The following PHF1 variants were observed in gnomAD, a reference collection of about 807,000 sequenced individuals.
PHF1 encodes the protein polycomb-like 1.
Under a neutral mutation model 69.4 loss-of-function variants are expected in PHF1, and 16 were observed. The ratio of observed to expected loss-of-function variants is 0.23; its 90% CI spans 0.16 to 0.35. The LOEUF (loss-of-function observed/expected upper bound fraction) is 0.35. Among genes scored for constraint, PHF1 ranks in the 10% least tolerant of loss-of-function variants. PHF1 has a pLI of 1.00. For missense variants in PHF1, 515 were observed against 732.8 expected, an observed-to-expected ratio of 0.70 and a Z score of 3.43; for synonymous variants, 274 against 275.0, an observed-to-expected ratio of 1.00 and a Z score of 0.04.
In PHF1 at chr6:33,413,318, C is replaced by T; in HGVS notation, c.438+22C>T. ...CAAGGTAAAGGCACTTCCCTGTTACCCTTCCTGTGGGAGCCTCCCATCCAC... is the reference window on the plus strand; with the variant it reads ...CAAGGTAAAGGCACTTCCCTGTTACTCTTCCTGTGGGAGCCTCCCATCCAC... On this transcript the variant is annotated intron_variant, in intron 5 of 14. Transcript: ENST00000374516. 1.9e-6 allele frequency: 3 copies of T among 1,611,628 alleles called. No individual in the cohort carries two copies. The South Asian group carries it at 3.3e-5, about 18-fold the overall frequency.
chr6:33,415,387 G>A, intron 13 of PHF1, 58 bp downstream of exon 13: 1 of 1,407,880 alleles, frequency 7.1e-7, no homozygotes, highest in African/African-American at 1.4e-5. Flanking sequence ...CACATCTTCT[G>A]GACTTTATCA....
At position 33,412,811 on chromosome 6, in the gene PHF1, C is replaced by G; in HGVS notation, c.337+18C>G. On this transcript the variant is annotated intron_variant, in intron 4 of 14. Transcript: ENST00000374516. This position sits in a 1 kb window ranked among gnomAD's most constrained non-coding sequence, Gnocchi z 4.2. Reference sequence around the variant, plus strand: ...TCGCCATGGTGAGAGGGCAGGTCACCTGAATGGTCCAGCTTGCTCTTCCCT... The same window carrying G: ...TCGCCATGGTGAGAGGGCAGGTCACGTGAATGGTCCAGCTTGCTCTTCCCT... 1 of 1,601,772 alleles carries G rather than the reference C, an allele frequency of 6.2e-7. No individual in the cohort carries two copies. Among genetic ancestry groups the G allele is most frequent in the Non-Finnish European group, 8.6e-7 (1 of 1,169,040 alleles).
chr6:33,412,596 C>T lies in PHF1; in HGVS notation c.241+7C>T, dbSNP rs1353856790. ...TGGAAAGACATTAGCCCTGGTAAGA[C>T]TCTAGAGACCTGAGATTGCACATCC... On this transcript the variant is annotated splice_region_variant and intron_variant, in intron 3 of 14. Transcript: ENST00000374516. This position sits in a 1 kb window ranked among gnomAD's most constrained non-coding sequence, Gnocchi z 4.2. The T allele has an allele frequency of 6.2e-7, 1 of 1,613,992 alleles. No individual in the cohort carries two copies. The highest frequency in any genetic ancestry group is 2.2e-5 in the East Asian group (1 of 44,894).
Position 33,415,096 on chromosome 6 carries a change from C to A in PHF1, c.1191C>A (p.Pro397=), listed in dbSNP as rs140266539. Reference sequence around the variant, plus strand: ...CACCCTCAGCAGTGCGCAATCAGCCCGAGCCCCAGGAGCAGAGGGAGCGGG... The same window carrying A: ...CACCCTCAGCAGTGCGCAATCAGCCAGAGCCCCAGGAGCAGAGGGAGCGGG... ...LGPPSAVRNQ[P]EPQEQRERAH... The change falls in exon 12 of 15, where the codon CCC becomes CCA. Residue 397 remains proline, a synonymous_variant. Transcript: ENST00000374516. 2 of 1,613,184 alleles carry A rather than the reference C, an allele frequency of 1.2e-6. No individual in the cohort carries two copies. The highest frequency in any genetic ancestry group is 1.7e-6 in the Non-Finnish European group (2 of 1,179,524).
At chr6:33,411,890 C>T (rs1196409736) in intron 1 of PHF1, among the ~76,000 whole-genome samples, 1 of 152,094 alleles carries the variant, frequency 6.6e-6, no homozygotes, top group Non-Finnish European at 1.5e-5. Flanking sequence ...TGGCCGGGCC[C>T]GGTGGCTCAC....
upstream of PHF1, chr6:33,410,895 A>C (rs1233075931): frequency 6.6e-6 from 1 of 151,270 alleles, no homozygotes; most frequent in African/African-American, 2.4e-5. Context: ...GAGGTGAGGG[A>C]GGTGGGGTGA....
Position 33,411,018 on chromosome 6 carries a change from T to G in PHF1, c.-214T>G, listed in dbSNP as rs896156867. The G allele has an allele frequency of 4.3e-5, 5 of 115,332 alleles. No homozygotes were observed. The highest frequency in any genetic ancestry group is 3.8e-4 in the Admixed American group (4 of 10,660). 7.1% of individuals were successfully genotyped at this position (115,332 alleles called of 1,614,324 possible). A position where few individuals can be genotyped will look rare whatever the true frequency, so the allele number is the denominator to read the frequency against. On this transcript the variant is annotated 5_prime_UTR_variant, in exon 1 of 15. Coordinates refer to ENST00000374516, the MANE Select transcript of PHF1 (RefSeq NM_024165.3). ...TCCCTCCCTCCCCCCCGCCGCCTCC[T>G]CCTCCTGCCGCTGCCGCTGCTTTGG...
chr6:33,410,633 C>T (rs1775955223), upstream of PHF1: 1 of 38,654 alleles, frequency 2.6e-5, no homozygotes, highest in South Asian at 1.1e-3. Context: ...GAATGGAGGG[C>T]GGGGCTGTGA....
At position 33,414,182 on chromosome 6, in the gene PHF1, A is replaced by G. The variant is rs1248683331; in HGVS notation, c.753-61A>G. The G allele has an allele frequency of 1.2e-6, 2 of 1,613,480 alleles. No homozygotes were observed. Among genetic ancestry groups the G allele is most frequent in the Non-Finnish European group, 1.7e-6 (2 of 1,179,718 alleles). ...TTCACTCTATATGCCCCAACCTCCC[A>G]CCTCAGGACTCCCCTGGCTCTTAAA... On this transcript the variant is annotated intron_variant, in intron 8 of 14. Transcript: ENST00000374516. The surrounding 1 kb of genome is among the most constrained non-coding windows in gnomAD (Gnocchi z 5.0).
chr6:33,411,509 C>T (rs1278060090), intron 1 of PHF1, among the ~76,000 whole-genome samples: 1 of 152,220 alleles, frequency 6.6e-6, no homozygotes, highest in Non-Finnish European at 1.5e-5. Context: ...GGGGAGACAG[C>T]CGTTTCTGCT....
Position 33,412,564 on chromosome 6 carries a change from G to C in PHF1, c.216G>C (p.Leu72=). 6.2e-7 allele frequency: 1 copy of C among 1,614,230 alleles called. No individual in the cohort carries two copies. ...AGTTTGAGGATGATTCGCAGTTTCT[G>C]GTTCTATGGAAAGACATTAGCCCTG... The part of the protein sequence containing the change: ...LVQFEDDSQF[L]VLWKDISPAA... The change falls in exon 3 of 15, where the codon CTG becomes CTC. Residue 72 remains leucine (L), a synonymous_variant. Transcript: ENST00000374516. The surrounding 1 kb of genome is among the most constrained non-coding windows in gnomAD (Gnocchi z 4.2).
Position 33,416,022 on chromosome 6 carries a change from G to A in PHF1, c.1628G>A (p.Arg543Gln), listed in dbSNP as rs147032936. ...TACCTGTCCCGAGGGGACCCTGTCC[G>A]GGTCCTTGCTCGGAGAGTACGGCCT... ...VGYLSRGDPVRVLARRVRPDG... is the reference protein window; with the variant it reads ...VGYLSRGDPVQVLARRVRPDG... The change falls in exon 15 of 15, where the codon CGG becomes CAG. Residue 543 changes from arginine to glutamine, a missense_variant. This residue lies in a region of PHF1 where 274 missense variants were observed against 304.5 expected (regional missense o/e 0.90). Coordinates refer to ENST00000374516, the MANE Select transcript of PHF1 (RefSeq NM_024165.3). The A allele has an allele frequency of 9.3e-6, 15 of 1,612,656 alleles. No homozygotes were observed. The highest frequency in any genetic ancestry group is 5.3e-5 in the African/African-American group (4 of 74,874).
Position 33,416,212 on chromosome 6 carries a change from A to C in PHF1, c.*114A>C. The C allele has an allele frequency of 1.1e-6, 1 of 891,646 alleles. No homozygotes were observed. The allele number at this position is 891,646 out of a possible 1,614,324, so 55.2% of individuals were successfully genotyped here. ...GGAGAGATAGGGGGTAGTTCTCCCT[A>C]CTGCCCAGGCTGGAATCCAAGAGTG... On this transcript the variant is annotated 3_prime_UTR_variant, in exon 15 of 15. Coordinates refer to ENST00000374516, the MANE Select transcript of PHF1 (RefSeq NM_024165.3).
chr6:33,412,499 C>T lies in PHF1; in HGVS notation c.160-9C>T, dbSNP rs1226904319. ...TTCCCATTTCATCCTGTTTGCTCAC[C>T]CATTCCAGGTGGACAGTGCTAGGGA... is the stretch of plus-strand genomic sequence containing the variant. On this transcript the variant is annotated splice_polypyrimidine_tract_variant and intron_variant, in intron 2 of 14. Transcript: ENST00000374516. The surrounding 1 kb of genome is among the most constrained non-coding windows in gnomAD (Gnocchi z 4.2). 4 of 1,614,104 alleles carry T rather than the reference C, an allele frequency of 2.5e-6. No homozygotes were observed. The highest frequency in any genetic ancestry group is 1.3e-5 in the African/African-American group (1 of 74,936).
Position 33,414,868 on chromosome 6 carries a change from G to A in PHF1, c.1049+39G>A, listed in dbSNP as rs1240233339. 1 of 1,580,080 alleles carries A rather than the reference G, an allele frequency of 6.3e-7. No homozygotes were observed. The highest frequency in any genetic ancestry group is 1.4e-5 in the African/African-American group (1 of 73,116). ...GGGGGATGGGGGAAATTCTCAGGGT[G>A]TTAGTCCTGGGGGGTATATGTATAG... On this transcript the variant is annotated intron_variant, in intron 11 of 14. Coordinates refer to ENST00000374516, the MANE Select transcript of PHF1 (RefSeq NM_024165.3). This position sits in a 1 kb window ranked among gnomAD's most constrained non-coding sequence, Gnocchi z 5.0.
intron 14 of PHF1, 49 bp from the exon 15 acceptor site, chr6:33,415,761 A>G (rs1221148384): frequency 3.1e-6 from 5 of 1,601,678 alleles, no homozygotes; most frequent in Middle Eastern, 3.3e-4. Context: ...TCTGATTCAC[A>G]TGTGCTCTCC....
At chr6:33,411,623 A>G (rs1176346819) in intron 1 of PHF1, among the ~76,000 whole-genome samples, 1 of 151,298 alleles carries the variant, frequency 6.6e-6, no homozygotes, top group South Asian at 2.1e-4. Flanking sequence ...TACAACCATA[A>G]TTTCTCCTAA....
Position 33,415,253 on chromosome 6 carries a change from T to C in PHF1, c.1258T>C (p.Ser420Pro). 3.1e-6 allele frequency: 5 copies of C among 1,613,712 alleles called. No homozygotes were observed. Among genetic ancestry groups the C allele is most frequent in the Non-Finnish European group, 4.2e-6 (5 of 1,179,798 alleles). ...CTTCTAGGCCTCAGTGTCTCCACCATCCCCCAGCCCTAACCAGAGTTACCA... is the reference window on the plus strand; with the variant it reads ...CTTCTAGGCCTCAGTGTCTCCACCACCCCCCAGCCCTAACCAGAGTTACCA... Reference protein sequence around the residue: ...RALQASVSPPSPSPNQSYQGS... With the variant: ...RALQASVSPPPPSPNQSYQGS... Residue 420 changes from serine (S) to proline (P), a missense_variant, in exon 13 of 15, where the codon TCC (serine) becomes CCC (proline). Transcript: ENST00000374516.
At position 33,413,100 on chromosome 6, in the gene PHF1, A is replaced by G. The variant is rs979836871; in HGVS notation, c.338-96A>G. Reference sequence around the variant, plus strand: ...GATAATGCACCCCCTCATCAAGACCATGGTCAGGGATTAAATGAGATGGGT... The same window carrying G: ...GATAATGCACCCCCTCATCAAGACCGTGGTCAGGGATTAAATGAGATGGGT... On this transcript the variant is annotated intron_variant, in intron 4 of 14. Coordinates refer to ENST00000374516, the MANE Select transcript of PHF1 (RefSeq NM_024165.3). The G allele has an allele frequency of 3.0e-5, 33 of 1,094,712 alleles. No individual in the cohort carries two copies. In the African/African-American group the frequency reaches 4.3e-4, roughly 14 times the overall value. The allele number at this position is 1,094,712 out of a possible 1,614,324, so 67.8% of individuals were successfully genotyped here. A position where few individuals can be genotyped will look rare whatever the true frequency, so the allele number is the denominator to read the frequency against.
Sources: gnomAD v4.1 joint callset for allele counts (sites outside exome capture counted in the v4.1 genomes callset) on GRCh38, gnomAD v4.1.1 for gene constraint, gnomAD v4.1.1 regional missense constraint, Gnocchi (gnomAD v3.1) non-coding constraint, MANE v1.5 for transcripts, NCBI Gene and HGNC (gene_info 2026-07-23, HGNC 2026-07-21) for gene names.